CD63: variants seen among roughly 807,000 people sequenced by gnomAD.
The protein encoded by CD63 is CD63 antigen.
In CD63, 16 loss-of-function variants were observed where a neutral mutation model predicts 29.2. The observed-to-expected ratio is 0.55, with a 90% CI of 0.37 to 0.83. The LOEUF (loss-of-function observed/expected upper bound fraction) is 0.83. CD63 is among the 40% of genes least tolerant of loss of function. The pLI, the probability that CD63 is intolerant of heterozygous loss-of-function variation, is 0.00. For synonymous variants in CD63, 118 were observed against 111.7 expected (o/e 1.06, Z -0.36); for missense variants, 251 against 297.3 (o/e 0.84, Z 1.15).
downstream of CD63, chr12:55,724,112 G>A (rs988261086): frequency 1.9e-6 from 3 of 1,565,546 alleles, no homozygotes; most frequent in Admixed American, 5.4e-5. Context: ...GGCCAGTCCT[G>A]CATAAGCCTG....
chr12:55,728,590 C>G lies in CD63; in HGVS notation c.-11-238G>C. 1 of 1,374,210 alleles carries G rather than the reference C, an allele frequency of 7.3e-7. No homozygotes were observed. The highest frequency in any genetic ancestry group is 1.6e-5 in the South Asian group (1 of 62,006). The allele number at this position is 1,374,210 out of a possible 1,614,324, so 85.1% of individuals were successfully genotyped here. A position where few individuals can be genotyped will look rare whatever the true frequency, so the allele number is the denominator to read the frequency against. Reference sequence around the variant, plus strand: ...GCCGCCTCTGGGGCCCAGGACAGATCCAAGGGCGCCGGCAGGGGCTTGAGC... The same window carrying G: ...GCCGCCTCTGGGGCCCAGGACAGATGCAAGGGCGCCGGCAGGGGCTTGAGC... On this transcript the variant is annotated intron_variant, in intron 1 of 7. Transcript: ENST00000257857. This position sits in a 1 kb window ranked among gnomAD's most constrained non-coding sequence, Gnocchi z 4.8.
rs1877657402 is a variant in CD63, at chr12:55,728,406, T to C, written c.-11-54A>G. 4 of 1,561,888 alleles carry C rather than the reference T, an allele frequency of 2.6e-6. No homozygotes were observed. Among genetic ancestry groups the C allele is most frequent in the South Asian group, 1.2e-5 (1 of 85,146 alleles). The stretch of plus-strand genomic sequence containing the variant: ...AAAACTGGCCGAAGGGGGACCTCGG[T>C]TTCCGGGCTCCCGGCCGGCCCTCGA... On this transcript the variant is annotated intron_variant, in intron 1 of 7. Transcript: ENST00000257857. The surrounding 1 kb of genome is among the most constrained non-coding windows in gnomAD (Gnocchi z 4.8).
At chr12:55,727,074 T>G in intron 3 of CD63, 77 bp downstream of exon 3, 1 of 1,061,726 alleles carries the variant, frequency 9.4e-7, no homozygotes, top group Non-Finnish European at 1.4e-6. Context: ...CCCACCCACC[T>G]CACCCACCTT....
chr12:55,729,553 C>T (rs1476710430), upstream of CD63: 1 of 152,480 alleles, frequency 6.6e-6, no homozygotes, highest in Non-Finnish European at 1.5e-5. Flanking sequence ...AGAACAAACA[C>T]TTCCAGAAAG....
At chr12:55,724,608 A>C (rs948440257), downstream of CD63, 96 of 1,430,058 alleles carry the variant, frequency 6.7e-5, no homozygotes, top group East Asian at 3.0e-4. Context: ...TTCTGCCCCC[A>C]CCCTGGTACT....
In CD63 at chr12:55,728,507, C is replaced by A. The variant is rs1167553867; in HGVS notation, c.-11-155G>T. ...CGGTCGGATCCACGTCTCCCAGCCCCCTCTTTACCCGCAGGAGAGGGGTGG... is the reference window on the plus strand; with the variant it reads ...CGGTCGGATCCACGTCTCCCAGCCCACTCTTTACCCGCAGGAGAGGGGTGG... On this transcript the variant is annotated intron_variant, in intron 1 of 7. Coordinates refer to ENST00000257857, the MANE Select transcript of CD63 (RefSeq NM_001780.6). The surrounding 1 kb of genome is among the most constrained non-coding windows in gnomAD (Gnocchi z 4.8). 2 of 1,461,992 alleles carry A rather than the reference C, an allele frequency of 1.4e-6. No individual in the cohort carries two copies. The highest frequency in any genetic ancestry group is 5.0e-5 in the East Asian group (2 of 40,140). 90.6% of individuals were successfully genotyped at this position (1,461,992 alleles called of 1,614,324 possible). A position where few individuals can be genotyped will look rare whatever the true frequency, so the allele number is the denominator to read the frequency against.
downstream of CD63, chr12:55,723,970 G>A (rs893725422): frequency 6.2e-7 from 1 of 1,614,110 alleles, no homozygotes; most frequent in Non-Finnish European, 8.5e-7. Flanking sequence ...TGGAGAGTCT[G>A]GAGAAAACCC....
intron 5 of CD63, 160 bp from the exon 6 acceptor site, chr12:55,726,421 T>A: frequency 1.5e-6 from 1 of 665,106 alleles, no homozygotes; most frequent in East Asian, 3.0e-5. Context: ...CTCGGCTCAC[T>A]GCAACCTCCG....
In CD63 at chr12:55,726,897, C is replaced by A; in HGVS notation, c.323G>T (p.Arg108Ile). 6.2e-7 allele frequency: 1 copy of A among 1,614,140 alleles called. No homozygotes were observed. The highest frequency in any genetic ancestry group is 8.5e-7 in the Non-Finnish European group (1 of 1,179,990). ...VAAAIAGYVF[R>I]DKVMSEFNNN... ...CCATTATTCCCTGCTTACCTTATCTCTAAACACATAGCCAGCAATGGCTGC... is the reference window on the plus strand; with the variant it reads ...CCATTATTCCCTGCTTACCTTATCTATAAACACATAGCCAGCAATGGCTGC... Residue 108 changes from arginine (R) to isoleucine (I), a missense_variant, in exon 4 of 8, where the codon AGA becomes ATA. By Grantham distance (97) the Arg-to-Ile change is moderately conservative. Coordinates refer to ENST00000257857, the MANE Select transcript of CD63 (RefSeq NM_001780.6).
Position 55,728,253 on chromosome 12 carries a change from C to T in CD63, c.66+23G>A. 6.2e-7 allele frequency: 1 copy of T among 1,600,288 alleles called. No individual in the cohort carries two copies. Among genetic ancestry groups the T allele is most frequent in the African/African-American group, 1.3e-5 (1 of 74,842 alleles). On this transcript the variant is annotated intron_variant, in intron 2 of 7. Transcript: ENST00000257857. This position sits in a 1 kb window ranked among gnomAD's most constrained non-coding sequence, Gnocchi z 4.8. ...TCTCCCCGCACCCTGCCGGCGCGCC[C>T]CCCAGGACCCCTCGCCACTCACGCA...
rs1486036405 is a variant in CD63, at chr12:55,727,186, C to A, written c.220G>T (p.Gly74Trp). The A allele has an allele frequency of 1.2e-6, 2 of 1,613,742 alleles. No homozygotes were observed. The highest frequency in any genetic ancestry group is 2.2e-5 in the South Asian group (2 of 91,068). Residue 74 changes from glycine (G) to tryptophan (W), a missense_variant, in exon 3 of 8, where the codon GGG (glycine) becomes TGG (tryptophan). Coordinates refer to ENST00000257857, the MANE Select transcript of CD63 (RefSeq NM_001780.6). ...LFLVAFVGCCGACKENYCLMI... is the reference protein window; with the variant it reads ...LFLVAFVGCCWACKENYCLMI... ...AGACAATAGTTCTCCTTGCAGGCCC[C>A]GCAGCAGCCCACAAAAGCCACCAGG... is the stretch of plus-strand genomic sequence containing the variant.
chr12:55,728,738 GCTCT>G lies in CD63; in HGVS notation c.-12+211_-12+214del. 1.0e-6 allele frequency: 1 copy of G among 1,003,124 alleles called. No individual in the cohort carries two copies. The highest frequency in any genetic ancestry group is 1.2e-6 in the Non-Finnish European group (1 of 840,996). 62.1% of individuals were successfully genotyped at this position (1,003,124 alleles called of 1,614,324 possible). A position where few individuals can be genotyped will look rare whatever the true frequency, so the allele number is the denominator to read the frequency against. On this transcript the variant is annotated intron_variant, in intron 1 of 7. Transcript: ENST00000257857. The surrounding 1 kb of genome is among the most constrained non-coding windows in gnomAD (Gnocchi z 4.8). ...CCCCGCCCCAGCCCCTTTCCCCTGGGCTCTGACCTCCCCGCCCACCAAAAAAAAA... is the reference window on the plus strand; with the variant it reads ...CCCCGCCCCAGCCCCTTTCCCCTGGGGACCTCCCCGCCCACCAAAAAAAAA...
At chr12:55,725,660 A>G in intron 7 of CD63, 34 bp from the exon 8 acceptor site, 1 of 1,600,202 alleles carries the variant, frequency 6.2e-7, no homozygotes, top group Non-Finnish European at 8.6e-7. Context: ...GGTGGAGAGG[A>G]GTCAGAAGGG....
chr12:55,727,672 C>A, intron 2 of CD63: 1 of 1,094,478 alleles, frequency 9.1e-7, no homozygotes, highest in Non-Finnish European at 1.1e-6. Flanking sequence ...CCAGAACTGC[C>A]CCCTCACTAT....
rs774179005 is a variant in CD63, at chr12:55,725,514, G to A, written c.*47C>T. The A allele has an allele frequency of 2.2e-5, 31 of 1,428,838 alleles. No individual in the cohort carries two copies. The East Asian group carries it at 2.5e-4, about 12-fold the overall frequency. The allele number at this position is 1,428,838 out of a possible 1,614,324, so 88.5% of individuals were successfully genotyped here. A position where few individuals can be genotyped will look rare whatever the true frequency, so the allele number is the denominator to read the frequency against. On this transcript the variant is annotated 3_prime_UTR_variant, in exon 8 of 8. Coordinates refer to ENST00000257857, the MANE Select transcript of CD63 (RefSeq NM_001780.6). ...ATCCGTTTAATTGAAAAACCTGGAG[G>A]ATACTATTCCACTCCCCCAGATGAG...
downstream of CD63, chr12:55,724,340 G>C: frequency 1.2e-6 from 2 of 1,614,172 alleles, no homozygotes; most frequent in Non-Finnish European, 1.7e-6. Flanking sequence ...ATGCAACAGC[G>C]CATCATGAAC....
downstream of CD63, chr12:55,723,964 G>A: frequency 6.2e-7 from 1 of 1,614,116 alleles, no homozygotes; most frequent in Non-Finnish European, 8.5e-7. Context: ...CCAACCTGGA[G>A]AGTCTGGAGA....
Position 55,728,260 on chromosome 12 carries a change from A to C in CD63, c.66+16T>G, listed in dbSNP as rs1592533613. On this transcript the variant is annotated intron_variant, in intron 2 of 7. Coordinates refer to ENST00000257857, the MANE Select transcript of CD63 (RefSeq NM_001780.6). This position sits in a 1 kb window ranked among gnomAD's most constrained non-coding sequence, Gnocchi z 4.8. ...GCACCCTGCCGGCGCGCCCCCCAGG[A>C]CCCCTCGCCACTCACGCAAAAGGCC... 6.2e-7 allele frequency: 1 copy of C among 1,603,612 alleles called. No individual in the cohort carries two copies. Among genetic ancestry groups the C allele is most frequent in the Non-Finnish European group, 8.5e-7 (1 of 1,175,096 alleles).
chr12:55,724,959 G>A (rs1015915694), downstream of CD63, among the ~76,000 whole-genome samples: 1 of 152,210 alleles, frequency 6.6e-6, no homozygotes, highest in African/African-American at 2.4e-5. Context: ...AAGAGCAGGT[G>A]ATGAGGGTTC....
Sources: allele counts gnomAD v4.1 joint callset (sites outside exome capture counted in the v4.1 genomes callset), GRCh38; gene constraint gnomAD v4.1.1; non-coding constraint Gnocchi (gnomAD v3.1); transcripts MANE v1.5; gene names NCBI Gene and HGNC (gene_info 2026-07-23, HGNC 2026-07-21).